The following RPS6KA2 variants were observed in gnomAD, a reference collection of about 807,000 sequenced individuals.
RPS6KA2 encodes ribosomal protein S6 kinase alpha-2.
Under a neutral mutation model 91.8 loss-of-function variants are expected in RPS6KA2, and 42 were observed. The ratio of observed to expected loss-of-function variants is 0.46; its 90% CI spans 0.36 to 0.59. The LOEUF (loss-of-function observed/expected upper bound fraction) is 0.59. Among genes scored for constraint, RPS6KA2 ranks in the 20% least tolerant of loss-of-function variants. The pLI is 0.00. For synonymous variants in RPS6KA2, 414 were observed against 393.6 expected (o/e 1.05, Z -0.61); for missense variants, 798 against 978.5 (o/e 0.82, Z 2.46).
chr6:166,448,933 G>A lies in RPS6KA2; in HGVS notation c.1207-84C>T, dbSNP rs552930874. 20 of 1,535,646 alleles carry A rather than the reference G, an allele frequency of 1.3e-5. No homozygotes were observed. The highest frequency in any genetic ancestry group is 1.1e-4 in the African/African-American group (8 of 73,624). On this transcript the variant is annotated intron_variant, in intron 13 of 20. Transcript: ENST00000265678. This position sits in a 1 kb window ranked among gnomAD's most constrained non-coding sequence, Gnocchi z 4.7. ...GCTACACGCACACAGAATGTGGGGCGAAGAGAGGCACCGACTGTGAACTGA... is the reference window on the plus strand; with the variant it reads ...GCTACACGCACACAGAATGTGGGGCAAAGAGAGGCACCGACTGTGAACTGA...
intron 2 of RPS6KA2, among the ~76,000 whole-genome samples, chr6:166,650,510 G>A (rs1000030145): frequency 2.0e-5 from 3 of 152,032 alleles, no homozygotes; most frequent in Admixed American, 6.6e-5. Flanking sequence ...CTGGAGGAGA[G>A]AAGGAGGAGG....
At chr6:166,559,409 C>T (rs1784274864) in intron 1 of RPS6KA2, among the ~76,000 whole-genome samples, 1 of 152,184 alleles carries the variant, frequency 6.6e-6, no homozygotes, top group Non-Finnish European at 1.5e-5. Flanking sequence ...ACACGCAAAC[C>T]TTCCGACACT....
intron 12 of RPS6KA2, among the ~76,000 whole-genome samples, chr6:166,456,939 T>C (rs1476649629): frequency 6.6e-6 from 1 of 152,216 alleles, no homozygotes; most frequent in Non-Finnish European, 1.5e-5. Flanking sequence ...TAAAATACAA[T>C]GGAATTCTCT....
intron 1 of RPS6KA2, among the ~76,000 whole-genome samples, chr6:166,595,500 A>G (rs1273615675): frequency 6.6e-6 from 1 of 152,236 alleles, no homozygotes; most frequent in Non-Finnish European, 1.5e-5. Context: ...GTCCACTGGG[A>G]CTTCAATCCC....
chr6:166,442,577 C>T (rs775671993), intron 14 of RPS6KA2, among the ~76,000 whole-genome samples: 8 of 152,054 alleles, frequency 5.3e-5, no homozygotes, highest in African/African-American at 9.7e-5. Flanking sequence ...TCGTCATCCT[C>T]GTAACTCTCG....
At chr6:166,492,672 A>T (rs1170567537) in intron 8 of RPS6KA2, among the ~76,000 whole-genome samples, 2 of 151,166 alleles carry the variant, frequency 1.3e-5, no homozygotes, top group Admixed American at 1.3e-4. Context: ...TTTTTTGCTG[A>T]TGGACTGGTA....
At chr6:166,701,491 G>A in intron 2 of RPS6KA2, 1 of 1,224,322 alleles carries the variant, frequency 8.2e-7, no homozygotes. Context: ...CTTAGCATCT[G>A]GTGCTTCCAC....
At chr6:166,758,947 T>C (rs9348179) in intron 2 of RPS6KA2, among the ~76,000 whole-genome samples, 13,998 of 152,240 alleles carry the variant, frequency 0.092, 1,303 homozygotes, top group East Asian at 0.29. Context: ...TTTCAGGAAA[T>C]GGGTTCTACC....
At chr6:166,702,751 G>A (rs1184408064) in intron 2 of RPS6KA2, 141 of 1,230,524 alleles carry the variant, frequency 1.1e-4, no homozygotes, top group Non-Finnish European at 1.6e-4. Context: ...GAAGGGTCCC[G>A]ACACGGGGAT....
intron 2 of RPS6KA2, among the ~76,000 whole-genome samples, chr6:166,828,411 T>C (rs1435057401): frequency 6.6e-6 from 1 of 152,270 alleles, no homozygotes; most frequent in Admixed American, 6.5e-5. Context: ...CAAACCACGT[T>C]GGGCTCATGC....
intron 3 of RPS6KA2, among the ~76,000 whole-genome samples, chr6:166,514,350 C>T (rs577310361): frequency 1.3e-5 from 2 of 152,300 alleles, no homozygotes; most frequent in East Asian, 3.9e-4. Context: ...CAGAGGGTGA[C>T]CAGTCCCACC....
chr6:166,830,601 T>C (rs1780161030), intron 2 of RPS6KA2, among the ~76,000 whole-genome samples: 1 of 152,200 alleles, frequency 6.6e-6, no homozygotes, highest in Middle Eastern at 3.2e-3. Context: ...AAATGACACA[T>C]GCAGAGTTCA....
At chr6:166,460,419 C>A (rs191691107) in intron 11 of RPS6KA2, among the ~76,000 whole-genome samples, 2 of 152,098 alleles carry the variant, frequency 1.3e-5, no homozygotes, top group African/African-American at 4.8e-5. Flanking sequence ...AGTCCTCAGG[C>A]GGGTGATGCT....
At chr6:166,613,946 C>T (rs1486322185) in intron 1 of RPS6KA2, among the ~76,000 whole-genome samples, 3 of 152,170 alleles carry the variant, frequency 2.0e-5, no homozygotes, top group African/African-American at 7.2e-5. Context: ...GAGCTTTGGG[C>T]TCTCACAGCC....
chr6:166,487,901 G>T (rs1781463140), intron 10 of RPS6KA2, among the ~76,000 whole-genome samples: 1 of 152,210 alleles, frequency 6.6e-6, no homozygotes. Flanking sequence ...ATCACTGAAG[G>T]ATTGCAAATG....
At chr6:166,775,123 G>A (rs7758650) in intron 2 of RPS6KA2, among the ~76,000 whole-genome samples, 4,320 of 152,196 alleles carry the variant, frequency 0.028, 216 homozygotes, top group African/African-American at 0.096. Context: ...TCACGTGGGA[G>A]TTACCAAAAT....
rs565231703 is a variant in RPS6KA2, at chr6:166,437,272, G to A, written c.1333-4782C>T. ...TGGGGTCGGTTTCTTGGGGTTGACC[G>A]TGTTGGTCTTACTCTTATTAGAGCA... On this transcript the variant is annotated intron_variant, in intron 14 of 20. Coordinates refer to ENST00000265678, the MANE Select transcript of RPS6KA2 (RefSeq NM_021135.6). This position sits in a 1 kb window ranked among gnomAD's most constrained non-coding sequence, Gnocchi z 4.3. Among the ~76,000 whole-genome samples, 3 of 152,258 alleles carry A rather than the reference G, an allele frequency of 2.0e-5. No homozygotes were observed. The highest frequency in any genetic ancestry group is 4.8e-5 in the African/African-American group (2 of 41,530).
At chr6:166,773,083 T>C (rs1004226907) in intron 2 of RPS6KA2, among the ~76,000 whole-genome samples, 4 of 152,258 alleles carry the variant, frequency 2.6e-5, no homozygotes, top group Non-Finnish European at 5.9e-5. Context: ...GGGTCAACCC[T>C]GTGTGGGCAG....
At chr6:166,575,529 A>G (rs372586588) in intron 1 of RPS6KA2, among the ~76,000 whole-genome samples, 11 of 152,368 alleles carry the variant, frequency 7.2e-5, no homozygotes, top group Middle Eastern at 3.4e-3. Flanking sequence ...TGATGAGCAG[A>G]TGGGTTTGGT....
Sources: gnomAD v4.1 joint callset for allele counts (sites outside exome capture counted in the v4.1 genomes callset) on GRCh38, gnomAD v4.1.1 for gene constraint, Gnocchi (gnomAD v3.1) non-coding constraint, MANE v1.5 for transcripts, NCBI Gene and HGNC (gene_info 2026-07-23, HGNC 2026-07-21) for gene names.